The following SHPRH variants were observed in gnomAD, a reference collection of about 807,000 sequenced individuals.
SHPRH encodes the protein E3 ubiquitin-protein ligase SHPRH.
In SHPRH, 106 loss-of-function variants were observed where a neutral mutation model predicts 202.5. The observed-to-expected ratio is 0.52, with a 90% CI of 0.45 to 0.62. The LOEUF is 0.62. Among genes scored for constraint, SHPRH ranks in the 20% least tolerant of loss-of-function variants. The pLI is 0.00. For missense variants in SHPRH, 1,710 were observed against 2,020.0 expected (o/e 0.85, Z 2.94); for synonymous variants, 729 against 686.0 (o/e 1.06, Z -0.98).
rs2128704227 is a variant in SHPRH at position 145,885,000 on chromosome 6, T to G, written c.*1691A>C. 1 of 152,230 alleles carries G rather than the reference T, an allele frequency of 6.6e-6. No individual in the cohort carries two copies. Among genetic ancestry groups the G allele is most frequent in the African/African-American group, 2.4e-5 (1 of 41,560 alleles). The allele number at this position is 152,230 out of a possible 1,614,324, so 9.4% of individuals were successfully genotyped here. On this transcript the variant is annotated 3_prime_UTR_variant, in exon 30 of 30. Coordinates refer to ENST00000275233, the MANE Select transcript of SHPRH (RefSeq NM_001042683.3). The stretch of plus-strand genomic sequence containing the variant: ...AAACAAACACAAAGAAATACTGAAA[T>G]AGTCTCATTTTTAAATTATAAGCAT...
At position 145,943,722 on chromosome 6, in the gene SHPRH, T is replaced by G; in HGVS notation, c.1659A>C (p.Ser553=). 6.2e-7 allele frequency: 1 copy of G among 1,611,870 alleles called. No individual in the cohort carries two copies. The change falls in exon 9 of 30, where the codon TCA becomes TCC. Residue 553 remains serine (S), a synonymous_variant. Transcript: ENST00000275233. ...GATCATCATCATCATCAGAGGTGTCTGATGGCAAGTATTCAGAATCTGTGT... is the reference window on the plus strand; with the variant it reads ...GATCATCATCATCATCAGAGGTGTCGGATGGCAAGTATTCAGAATCTGTGT... ...NKDTDSEYLP[S]DTSDDDDDPY...
rs1780933326 is a variant in SHPRH, at chr6:145,885,615, A to G, written c.*1076T>C. The G allele has an allele frequency of 6.6e-6, 1 of 152,242 alleles. No homozygotes were observed. The highest frequency in any genetic ancestry group is 2.4e-5 in the African/African-American group (1 of 41,466). The allele number at this position is 152,242 out of a possible 1,614,324, so 9.4% of individuals were successfully genotyped here. ...AAGCTACTCCTTATTCAGCAATTTC[A>G]AAGTCCATTAATTCCTCACAGAAGA... is the stretch of plus-strand genomic sequence containing the variant. On this transcript the variant is annotated 3_prime_UTR_variant, in exon 30 of 30. Coordinates refer to ENST00000275233, the MANE Select transcript of SHPRH (RefSeq NM_001042683.3).
chr6:145,876,433 T>C (rs1326368472), intron 2 of SHPRH, among the ~76,000 whole-genome samples: 1 of 152,208 alleles, frequency 6.6e-6, no homozygotes, highest in Non-Finnish European at 1.5e-5. Flanking sequence ...ATATACAGTA[T>C]TTTGGGACTG....
rs1436722831 is a variant in SHPRH at position 145,947,568 on chromosome 6, C to T, written c.1137G>A (p.Lys379=). ...GAATCAGAGCCAAAACCTCCACTGT[C>T]TTTCCAAGACCCATCTCATCTGCTA... The part of the protein sequence containing the change: ...GILADEMGLG[K]TVEVLALILT... The change falls in exon 6 of 30, where the codon AAG becomes AAA. Residue 379 remains lysine (K), a synonymous_variant. Coordinates refer to ENST00000275233, the MANE Select transcript of SHPRH (RefSeq NM_001042683.3). The T allele has an allele frequency of 6.2e-7, 1 of 1,612,896 alleles. No homozygotes were observed. Among genetic ancestry groups the T allele is most frequent in the African/African-American group, 1.3e-5 (1 of 74,812 alleles).
At chr6:145,945,769 C>T (rs1562360192) in intron 7 of SHPRH, 132 bp from the exon 8 acceptor site, 2 of 908,374 alleles carry the variant, frequency 2.2e-6, no homozygotes, top group Non-Finnish European at 3.0e-6. Flanking sequence ...CAGCAGAGTG[C>T]CATTTTGAAA....
chr6:145,869,223 AT>A (rs1042386733), intron 2 of SHPRH, among the ~76,000 whole-genome samples: 7 of 152,182 alleles, frequency 4.6e-5, no homozygotes, highest in African/African-American at 1.7e-4. Flanking sequence ...AGCTTTAAGT[AT>A]TTTTATGTAT....
At chr6:145,863,345 G>C (rs17823001), downstream of SHPRH, among the ~76,000 whole-genome samples, 1 of 152,100 alleles carries the variant, frequency 6.6e-6, no homozygotes, top group South Asian at 2.1e-4. Flanking sequence ...ACTTAACCAA[G>C]CCTGCTTGCA....
chr6:145,860,581 A>G (rs1779547315), downstream of SHPRH, among the ~76,000 whole-genome samples: 1 of 152,050 alleles, frequency 6.6e-6, no homozygotes, highest in Non-Finnish European at 1.5e-5. Flanking sequence ...TCCCCAAACA[A>G]TCTACAGATT....
In SHPRH at chr6:145,933,085, A is replaced by G; in HGVS notation, c.3084T>C (p.Asn1028=). 6.2e-7 allele frequency: 1 copy of G among 1,613,854 alleles called. No homozygotes were observed. Reference sequence around the variant, plus strand: ...TAATAATATGAATGCCTGCTAAGCCATTGAGAGCACAAACTAGCTGTCGAT... The same window carrying G: ...TAATAATATGAATGCCTGCTAAGCCGTTGAGAGCACAAACTAGCTGTCGAT... ...EAHRQLVCAL[N]GLAGIHIIKG... is the part of the protein sequence containing the mutation. Residue 1028 remains asparagine, a synonymous_variant, in exon 14 of 30, where the codon AAT becomes AAC. Transcript: ENST00000275233.
rs758437180 is a variant in SHPRH, at chr6:145,921,223, C to G, written c.3952G>C (p.Val1318Leu). The change falls in exon 21 of 30, where the codon GTT becomes CTT. Residue 1318 changes from valine to leucine, a missense_variant. By Grantham distance (32) the Val-to-Leu change is conservative. Coordinates refer to ENST00000275233, the MANE Select transcript of SHPRH (RefSeq NM_001042683.3). ...AKSHRFDVEF[V>L]DEGSTSMDLF... ...TCCATTGAAGTGCTTCCTTCATCAA[C>G]AAATTCAACATCAAACCTATGTGAT... 1 of 1,612,786 alleles carries G rather than the reference C, an allele frequency of 6.2e-7. No individual in the cohort carries two copies. The highest frequency in any genetic ancestry group is 8.5e-7 in the Non-Finnish European group (1 of 1,179,232).
chr6:145,933,796 C>T (rs980328060), intron 13 of SHPRH, among the ~76,000 whole-genome samples: 10 of 152,138 alleles, frequency 6.6e-5, no homozygotes, highest in African/African-American at 2.4e-4. Context: ...TAGCCAAAGG[C>T]CAGTTCCTGA....
At chr6:145,878,559 T>A (rs926692722) in intron 2 of SHPRH, among the ~76,000 whole-genome samples, 10 of 152,224 alleles carry the variant, frequency 6.6e-5, no homozygotes, top group African/African-American at 2.4e-4. Context: ...ACATATTATC[T>A]TCTTTGGAGA....
chr6:145,962,698 G>A (rs1397531526), intron 1 of SHPRH, among the ~76,000 whole-genome samples: 1 of 151,970 alleles, frequency 6.6e-6, no homozygotes, highest in African/African-American at 2.4e-5. Context: ...TGGTAGATCT[G>A]GGTTTAGGCT....
At chr6:145,888,861 T>C (rs889323830) in intron 28 of SHPRH, among the ~76,000 whole-genome samples, 11 of 152,108 alleles carry the variant, frequency 7.2e-5, no homozygotes, top group African/African-American at 2.7e-4. Context: ...CTTTTGGAGG[T>C]AGAGCTGACA....
intron 25 of SHPRH, among the ~76,000 whole-genome samples, chr6:145,897,107 T>C (rs1782077790): frequency 6.6e-6 from 1 of 151,820 alleles, no homozygotes; most frequent in South Asian, 2.1e-4. Context: ...CTAATGAAAT[T>C]CTTAGTTGGT....
At chr6:145,938,813 A>C (rs1424823582) in intron 11 of SHPRH, among the ~76,000 whole-genome samples, 1 of 152,206 alleles carries the variant, frequency 6.6e-6, no homozygotes, top group Non-Finnish European at 1.5e-5. Context: ...TGCTTTCTAT[A>C]TTATACAAAT....
chr6:145,873,503 T>C (rs1288017656), intron 2 of SHPRH, among the ~76,000 whole-genome samples: 1 of 152,172 alleles, frequency 6.6e-6, no homozygotes, highest in Non-Finnish European at 1.5e-5. Flanking sequence ...ACTTTACTGG[T>C]TATGACCTTA....
chr6:145,903,299 G>A (rs1194670181), intron 25 of SHPRH: 1 of 151,136 alleles, frequency 6.6e-6, no homozygotes, highest in Non-Finnish European at 1.5e-5. Flanking sequence ...GTGTGAGACA[G>A]ATGTCACAAA....
chr6:145,953,855 A>G (rs1788222729), intron 2 of SHPRH, among the ~76,000 whole-genome samples: 1 of 152,044 alleles, frequency 6.6e-6, no homozygotes, highest in African/African-American at 2.4e-5. Flanking sequence ...AATGACAGAG[A>G]CTGAAATAAA....
Sources: allele counts gnomAD v4.1 joint callset (sites outside exome capture counted in the v4.1 genomes callset), GRCh38; gene constraint gnomAD v4.1.1; transcripts MANE v1.5; gene names NCBI Gene and HGNC (gene_info 2026-07-23, HGNC 2026-07-21).